Variants in VTI1A observed in about 807,000 individuals in gnomAD.
VTI1A encodes the protein vesicle transport through interaction with t-SNAREs homolog 1A.
Under a neutral mutation model 34.9 loss-of-function variants are expected in VTI1A, and 22 were observed. The observed-to-expected ratio is 0.63, with a 90% CI of 0.45 to 0.90. The LOEUF (loss-of-function observed/expected upper bound fraction) is 0.90. Ranked by LOEUF, VTI1A falls within the 40% of genes least tolerant of loss-of-function variation. The pLI, the probability that VTI1A is intolerant of heterozygous loss-of-function variation, is 0.00. For synonymous variants in VTI1A, 87 were observed against 97.3 expected (o/e 0.89, Z 0.62); for missense variants, 268 against 275.6 (o/e 0.97, Z 0.20).
chr10:112,479,124 G>A (rs954357570), intron 3 of VTI1A, among the ~76,000 whole-genome samples: 4 of 152,030 alleles, frequency 2.6e-5, no homozygotes, highest in Non-Finnish European at 4.4e-5. Flanking sequence ...CCAAGATTGC[G>A]CCACTGCACT....
intron 1 of VTI1A, among the ~76,000 whole-genome samples, chr10:112,454,261 T>G (rs563641162): frequency 8.1e-4 from 124 of 152,328 alleles, no homozygotes; most frequent in Non-Finnish European, 1.1e-3. Context: ...GGGTGTTCTG[T>G]GCTGATTAAG....
Position 112,752,873 on chromosome 10 carries a change from C to G in VTI1A, c.561-62417C>G, listed in dbSNP as rs78081382. Reference sequence around the variant, plus strand: ...GACTTATTTTTGGTACTTCAGCTCACTTACATGGACTTGTTTTTTACCAAT... The same window carrying G: ...GACTTATTTTTGGTACTTCAGCTCAGTTACATGGACTTGTTTTTTACCAAT... On this transcript the variant is annotated intron_variant, in intron 7 of 7. Transcript: ENST00000393077. 7.4e-3 allele frequency among the ~76,000 whole-genome samples: 1,124 copies of G among 152,232 alleles called. 19 individuals carry two copies. Among genetic ancestry groups the G allele is most frequent in the African/African-American group, 0.026 (1,074 of 41,538 alleles).
intron 5 of VTI1A, among the ~76,000 whole-genome samples, chr10:112,653,304 A>G (rs1421372497): frequency 6.6e-6 from 1 of 151,976 alleles, no homozygotes; most frequent in African/African-American, 2.4e-5. Context: ...AATTTTTTTC[A>G]TTTTGCTTTG....
chr10:112,472,273 T>C (rs1012808351), intron 3 of VTI1A, among the ~76,000 whole-genome samples: 1 of 152,196 alleles, frequency 6.6e-6, no homozygotes, highest in Non-Finnish European at 1.5e-5. Context: ...GGCTATGTGA[T>C]GTGATTGTTA....
intron 3 of VTI1A, among the ~76,000 whole-genome samples, chr10:112,510,486 G>A (rs1849568679): frequency 2.0e-5 from 3 of 152,054 alleles, no homozygotes; most frequent in South Asian, 2.1e-4. Context: ...TAATTAAAAA[G>A]TTAGCAGATT....
chr10:112,580,012 A>G (rs1843861761), intron 5 of VTI1A, among the ~76,000 whole-genome samples: 1 of 152,188 alleles, frequency 6.6e-6, no homozygotes, highest in Non-Finnish European at 1.5e-5. Flanking sequence ...TGGGGAAGAA[A>G]AAAAGGTGGT....
chr10:112,789,723 G>A (rs540730976), intron 7 of VTI1A, among the ~76,000 whole-genome samples: 17 of 151,698 alleles, frequency 1.1e-4, no homozygotes, highest in Admixed American at 6.6e-5. Flanking sequence ...TAGAATTTCC[G>A]TTTGGCTCTT....
intron 5 of VTI1A, among the ~76,000 whole-genome samples, chr10:112,643,314 T>G (rs1245076821): frequency 2.0e-5 from 3 of 152,026 alleles, no homozygotes; most frequent in Non-Finnish European, 4.4e-5. Context: ...GAGCATGTTT[T>G]CTATTTCAAT....
At chr10:112,725,583 G>A (rs1849992006) in intron 7 of VTI1A, among the ~76,000 whole-genome samples, 1 of 151,992 alleles carries the variant, frequency 6.6e-6, no homozygotes, top group South Asian at 2.1e-4. Flanking sequence ...CATTCATTAG[G>A]GATTACAACA....
chr10:112,529,894 T>G (rs1246425214), intron 4 of VTI1A, among the ~76,000 whole-genome samples: 1 of 152,144 alleles, frequency 6.6e-6, no homozygotes, highest in Non-Finnish European at 1.5e-5. Flanking sequence ...ATAGCTATTA[T>G]TTCTCATTCT....
At chr10:112,542,070 G>A (rs1850891800) in intron 5 of VTI1A, among the ~76,000 whole-genome samples, 1 of 151,902 alleles carries the variant, frequency 6.6e-6, no homozygotes, top group East Asian at 1.9e-4. Flanking sequence ...TTGAGGTCAG[G>A]GACTTAATAC....
At chr10:112,475,194 A>G (rs138382939) in intron 3 of VTI1A, among the ~76,000 whole-genome samples, 377 of 152,352 alleles carry the variant, frequency 2.5e-3, no homozygotes, top group African/African-American at 8.9e-3. Context: ...CTTTCTTCCA[A>G]TGTGACTATT....
rs773277515 is a variant in VTI1A at position 112,780,112 on chromosome 10, T to TAAA, written c.561-35161_561-35159dup. 3.3e-3 allele frequency among the ~76,000 whole-genome samples: 372 copies of TAAA among 111,470 alleles called. 3 individuals carry two copies. The highest frequency in any genetic ancestry group is 0.01 in the African/African-American group (306 of 29,892). 73.1% of individuals were successfully genotyped at this position (111,470 alleles called of 152,430 possible). On this transcript the variant is annotated intron_variant, in intron 7 of 7. Transcript: ENST00000393077. ...GGCAACATAGCAGGACCTTGTCTCTTAAAAAAAAAAAAAAAAAAAGCAAAA... is the reference window on the plus strand; with the variant it reads ...GGCAACATAGCAGGACCTTGTCTCTTAAAAAAAAAAAAAAAAAAAAAAGCAAAA...
intron 7 of VTI1A, among the ~76,000 whole-genome samples, chr10:112,772,581 CTT>C (rs1228652207): frequency 6.6e-6 from 1 of 152,196 alleles, no homozygotes; most frequent in African/African-American, 2.4e-5. Flanking sequence ...GTTGCTTGCG[CTT>C]TTGGTGTCAC....
chr10:112,531,061 CCTCACACACACACACACACA>C (rs1358372226), intron 4 of VTI1A, among the ~76,000 whole-genome samples: 46 of 90,240 alleles, frequency 5.1e-4, no homozygotes, highest in Non-Finnish European at 9.5e-4. Context: ...ACGTGACACA[CCTCACACACACACACACACA>C]CACACACACA....
intron 4 of VTI1A, among the ~76,000 whole-genome samples, chr10:112,532,430 G>C (rs1850480510): frequency 6.6e-6 from 1 of 152,172 alleles, no homozygotes; most frequent in Admixed American, 6.5e-5. Flanking sequence ...ATGTGGTTTA[G>C]TCTGTTACAA....
At chr10:112,451,579 A>T (rs1232263686) in intron 1 of VTI1A, among the ~76,000 whole-genome samples, 1 of 152,216 alleles carries the variant, frequency 6.6e-6, no homozygotes, top group Non-Finnish European at 1.5e-5. Context: ...CAGGATCCCA[A>T]GGGGGGCAGT....
chr10:112,786,640 T>C (rs570282858), intron 7 of VTI1A, among the ~76,000 whole-genome samples: 9 of 152,370 alleles, frequency 5.9e-5, no homozygotes, highest in Admixed American at 2.6e-4. Context: ...CGAGAGTTTC[T>C]ATCATGAGTA....
intron 7 of VTI1A, among the ~76,000 whole-genome samples, chr10:112,736,385 A>G (rs1448824024): frequency 2.0e-5 from 3 of 151,780 alleles, no homozygotes; most frequent in Non-Finnish European, 2.9e-5. Context: ...CTCTAGAACT[A>G]CTCTCTCTAA....
Sources: allele counts gnomAD v4.1 joint callset (sites outside exome capture counted in the v4.1 genomes callset), GRCh38; gene constraint gnomAD v4.1.1; transcripts MANE v1.5; gene names NCBI Gene and HGNC (gene_info 2026-07-23, HGNC 2026-07-21).